The following TEX26 variants were observed in gnomAD, a reference collection of about 807,000 sequenced individuals.
TEX26 encodes the protein testis expressed 26, also known as testis-expressed protein 26.
TEX26 carries 34 observed loss-of-function variants against 35.3 expected under a neutral mutation model. That is an observed-to-expected ratio of 0.96 (90% CI 0.73 to 1.28). The LOEUF is 1.28. TEX26 is among the 50% of genes most tolerant of loss of function. The probability of loss-of-function intolerance (pLI) is 0.00; values close to 1 mark genes in which losing one functional copy is unlikely to be tolerated. For missense variants in TEX26, 371 were observed against 330.1 expected (o/e 1.12, Z -0.96); for synonymous variants, 136 against 111.8 (o/e 1.22, Z -1.36).
At chr13:30,951,864 A>T (rs1953933417) in intron 2 of TEX26, among the ~76,000 whole-genome samples, 1 of 151,964 alleles carries the variant, frequency 6.6e-6, no homozygotes, top group Non-Finnish European at 1.5e-5. Flanking sequence ...TTTGAAATTG[A>T]ATCTAAAAAA....
intron 2 of TEX26, among the ~76,000 whole-genome samples, chr13:30,943,529 C>A (rs1953591986): frequency 6.6e-6 from 1 of 152,090 alleles, no homozygotes; most frequent in Non-Finnish European, 1.5e-5. Context: ...AGTGGGCATC[C>A]TTTTCTTGTT....
At chr13:30,962,491 C>G (rs1954382296) in intron 4 of TEX26, among the ~76,000 whole-genome samples, 1 of 152,218 alleles carries the variant, frequency 6.6e-6, no homozygotes, top group Non-Finnish European at 1.5e-5. Context: ...GGTTGTACGC[C>G]TCGCCTCTCT....
Position 30,936,982 on chromosome 13 carries a change from A to G in TEX26, c.62-2712A>G, listed in dbSNP as rs574803390. 3 of 985,400 alleles carry G rather than the reference A, an allele frequency of 3.0e-6. No homozygotes were observed. The African/African-American group carries it at 5.2e-5, about 17-fold the overall frequency. The allele number at this position is 985,400 out of a possible 1,614,324, so 61.0% of individuals were successfully genotyped here. A position where few individuals can be genotyped will look rare whatever the true frequency, so the allele number is the denominator to read the frequency against. ...AGCTTTGTCAATGGAGGTAAAAAGC[A>G]TAGAAATACAGCCCTTACAAAAAGA... On this transcript the variant is annotated intron_variant, in intron 1 of 6. Transcript: ENST00000380473.
At chr13:30,945,436 GCC>G (rs1953671183) in intron 2 of TEX26, among the ~76,000 whole-genome samples, 1 of 151,356 alleles carries the variant, frequency 6.6e-6, no homozygotes. Flanking sequence ...GAGTATTTAG[GCC>G]ATTTATGTTC....
intron 1 of TEX26, chr13:30,936,652 G>A: frequency 1.0e-6 from 1 of 981,768 alleles, no homozygotes; most frequent in Non-Finnish European, 1.2e-6. Context: ...CTCTTGGCCT[G>A]TGAGTTCTCC....
intron 6 of TEX26, 54 bp downstream of exon 6, chr13:30,969,100 C>A: frequency 4.2e-6 from 6 of 1,441,980 alleles, no homozygotes; most frequent in South Asian, 1.6e-5. Context: ...TTGCTTTTGC[C>A]AAATAGAAAC....
chr13:30,953,084 T>A (rs921934078), intron 3 of TEX26, among the ~76,000 whole-genome samples: 2 of 152,192 alleles, frequency 1.3e-5, no homozygotes, highest in African/African-American at 4.8e-5. Context: ...CCTTTTAAAG[T>A]GAACAATTCA....
chr13:30,973,834 C>G (rs1954789234), intron 6 of TEX26, among the ~76,000 whole-genome samples: 1 of 151,978 alleles, frequency 6.6e-6, no homozygotes, highest in African/African-American at 2.4e-5. Context: ...TTTTACAGCT[C>G]CACTCTGTAC....
chr13:30,933,999 C>T (rs927727835), intron 1 of TEX26, among the ~76,000 whole-genome samples: 6 of 152,130 alleles, frequency 3.9e-5, no homozygotes, highest in Non-Finnish European at 1.5e-5. Context: ...TTTTTCAGAC[C>T]AGAATATCTA....
At position 30,966,494 on chromosome 13, in the gene TEX26, G is replaced by T; in HGVS notation, c.646+96G>T. 7.6e-6 allele frequency: 9 copies of T among 1,180,682 alleles called. No homozygotes were observed. The South Asian group carries it at 1.4e-4, about 19-fold the overall frequency. 73.1% of individuals were successfully genotyped at this position (1,180,682 alleles called of 1,614,324 possible). On this transcript the variant is annotated intron_variant, in intron 5 of 6. Transcript: ENST00000380473. Reference sequence around the variant, plus strand: ...CTCTTGTCGCCCAGGCTGGAGTGCAGTGGCACAATCTTGGCTCACTGAGAT... The same window carrying T: ...CTCTTGTCGCCCAGGCTGGAGTGCATTGGCACAATCTTGGCTCACTGAGAT...
intron 1 of TEX26, among the ~76,000 whole-genome samples, chr13:30,939,070 C>A (rs1238750059): frequency 6.6e-6 from 1 of 152,240 alleles, no homozygotes; most frequent in Non-Finnish European, 1.5e-5. Flanking sequence ...GAAAAAGACA[C>A]TCTGTGTCGT....
chr13:30,964,740 C>T (rs138711394), intron 4 of TEX26, among the ~76,000 whole-genome samples: 6 of 152,308 alleles, frequency 3.9e-5, no homozygotes, highest in Non-Finnish European at 8.8e-5. Context: ...CAAGAGCCTT[C>T]TTGCAGCATC....
intron 4 of TEX26, among the ~76,000 whole-genome samples, chr13:30,965,724 T>G (rs1164148886): frequency 6.6e-6 from 1 of 152,152 alleles, no homozygotes; most frequent in East Asian, 1.9e-4. Flanking sequence ...AGGGATAAGC[T>G]TCGAGTGTTT....
intron 2 of TEX26, among the ~76,000 whole-genome samples, chr13:30,945,374 A>T (rs998972395): frequency 6.6e-6 from 1 of 151,720 alleles, no homozygotes; most frequent in Non-Finnish European, 1.5e-5. Flanking sequence ...GACAGCAGAT[A>T]TTCTGTGGTT....
At chr13:30,969,113 T>C in intron 6 of TEX26, 67 bp downstream of exon 6, 1 of 1,417,806 alleles carries the variant, frequency 7.1e-7, no homozygotes, top group Non-Finnish European at 9.5e-7. Context: ...ATAGAAACTG[T>C]TCCAAGTTCT....
At chr13:30,936,547 T>C (rs944224869) in intron 1 of TEX26, among the ~76,000 whole-genome samples, 5 of 152,122 alleles carry the variant, frequency 3.3e-5, no homozygotes, top group Non-Finnish European at 7.3e-5. Context: ...CATCTTCTCA[T>C]CCAAGCAAAA....
chr13:30,974,892 CA>C lies in TEX26; in HGVS notation c.860del (p.Lys287ArgfsTer8). The C allele has an allele frequency of 6.4e-7, 1 of 1,551,342 alleles. No individual in the cohort carries two copies. The highest frequency in any genetic ancestry group is 8.7e-7 in the Non-Finnish European group (1 of 1,151,124). On this transcript the variant is annotated frameshift_variant, in exon 7 of 7. Transcript: ENST00000380473. LOFTEE classifies it low-confidence loss of function (END_TRUNC). ...TTATTCGTACTCACTGTGACACTAA[CA>C]AAAAGAAGAAATGAAAAGGGAAAAT... is the stretch of plus-strand genomic sequence containing the variant. ...RFIRTHCDTN[K>X]KKK
chr13:30,933,046 G>T (rs1055617823), intron 1 of TEX26: 1 of 371,324 alleles, frequency 2.7e-6, no homozygotes, highest in African/African-American at 2.0e-5. Flanking sequence ...GGCTAAGAGG[G>T]GACAGGAAAA....
intron 4 of TEX26, among the ~76,000 whole-genome samples, chr13:30,963,001 TGTA>T (rs1954402949): frequency 6.6e-6 from 1 of 151,678 alleles, no homozygotes; most frequent in African/African-American, 2.4e-5. Context: ...TTTTTTTTTT[TGTA>T]TTTTTAGTAG....
Sources: gnomAD v4.1 joint callset for allele counts (sites outside exome capture counted in the v4.1 genomes callset) on GRCh38, gnomAD v4.1.1 for gene constraint, MANE v1.5 for transcripts, NCBI Gene and HGNC (gene_info 2026-07-23, HGNC 2026-07-21) for gene names.